FUS: variants seen among roughly 807,000 people sequenced by gnomAD.
The protein encoded by FUS is RNA-binding protein FUS.
In FUS, 5 loss-of-function variants were observed where a neutral mutation model predicts 82.7. The ratio of observed to expected loss-of-function variants is 0.06; its 90% CI spans 0.03 to 0.13. The LOEUF (loss-of-function observed/expected upper bound fraction) is 0.13. FUS is among the 10% of genes least tolerant of loss of function. FUS has a pLI of 1.00. For synonymous variants in FUS, 281 were observed against 247.4 expected (o/e 1.14, Z -1.27); for missense variants, 512 against 707.8 (o/e 0.72, Z 3.14).
chr16:31,188,404 A>T, intron 8 of FUS, 47 bp downstream of exon 8: 1 of 1,592,360 alleles, frequency 6.3e-7, no homozygotes, highest in Non-Finnish European at 8.6e-7. Flanking sequence ...AAGTGGTATC[A>T]AGACTGCCTG....
chr16:31,188,234 T>G, intron 7 of FUS, 91 bp from the exon 8 acceptor site: 1 of 1,379,852 alleles, frequency 7.2e-7, no homozygotes, highest in African/African-American at 1.4e-5. Flanking sequence ...GGTGTTAATT[T>G]TTTTCCTTGT....
At position 31,184,302 on chromosome 16, in the gene FUS, T is replaced by C; in HGVS notation, c.429T>C (p.Tyr143=). 14 of 1,614,104 alleles carry C rather than the reference T, an allele frequency of 8.7e-6. No homozygotes were observed. The highest frequency in any genetic ancestry group is 1.1e-5 in the Non-Finnish European group (13 of 1,180,006). Residue 143 remains tyrosine, a synonymous_variant, in exon 5 of 15, where the codon TAT becomes TAC. Transcript: ENST00000254108. ...GCTATGGTGGACAGCAGCAAAGCTA[T>C]GGACAGCAGCAAAGCTATAATCCCC... ...QPSYGGQQQS[Y]GQQQSYNPPQ... is the part of the protein sequence containing the mutation.
At chr16:31,186,716 T>G in intron 6 of FUS, 86 bp from the exon 7 acceptor site, 1 of 1,313,168 alleles carries the variant, frequency 7.6e-7, no homozygotes, top group Non-Finnish European at 1.1e-6. Flanking sequence ...CCTACCCATG[T>G]TTGGGGAATG....
chr16:31,183,009 T>C, intron 3 of FUS: 1 of 362,996 alleles, frequency 2.8e-6, no homozygotes, highest in Non-Finnish European at 5.3e-6. Context: ...ATGCCCTGAA[T>C]GTTGCTTTTC....
intron 5 of FUS, among the ~76,000 whole-genome samples, chr16:31,184,730 A>G (rs1285748470): frequency 2.0e-5 from 3 of 151,816 alleles, no homozygotes; most frequent in Admixed American, 6.6e-5. Context: ...GGCGTGAGCC[A>G]CTGTGCCTGG....
At chr16:31,184,593 G>A (rs908362166) in intron 5 of FUS, among the ~76,000 whole-genome samples, 197 bp downstream of exon 5, 2 of 151,970 alleles carry the variant, frequency 1.3e-5, no homozygotes, top group African/African-American at 2.4e-5. Context: ...ACAGGCATCC[G>A]CCACCACGCC....
At chr16:31,186,272 G>A in intron 6 of FUS, 1 of 273,972 alleles carries the variant, frequency 3.7e-6, no homozygotes, top group Non-Finnish European at 7.1e-6. Context: ...AAACAGCTCA[G>A]TAGTTAGGAC....
chr16:31,189,908 G>C, intron 10 of FUS, 114 bp downstream of exon 10: 1 of 1,586,970 alleles, frequency 6.3e-7, no homozygotes, highest in South Asian at 1.1e-5. Context: ...CTTTAGCTGC[G>C]GTTTCAGGTA....
rs1223246966 is a variant in FUS, at chr16:31,185,642, T to C, written c.764+463T>C. 1.2e-5 allele frequency: 6 copies of C among 483,382 alleles called. No individual in the cohort carries two copies. The East Asian group carries it at 2.7e-4, about 22-fold the overall frequency. 29.9% of individuals were successfully genotyped at this position (483,382 alleles called of 1,614,324 possible). A position where few individuals can be genotyped will look rare whatever the true frequency, so the allele number is the denominator to read the frequency against. On this transcript the variant is annotated intron_variant, in intron 6 of 14. Coordinates refer to ENST00000254108, the MANE Select transcript of FUS (RefSeq NM_004960.4). ...CAGGAATTGGCTACTCTTCCCGTTT[T>C]CTATAGTCATTTGAATCCACGAGCT...
chr16:31,191,931 A>G (rs1321471703), downstream of FUS: 1 of 534,326 alleles, frequency 1.9e-6, no homozygotes, highest in African/African-American at 1.9e-5. Context: ...GAACTCTTTG[A>G]TCTTTTGGCC....
At position 31,188,816 on chromosome 16, in the gene FUS, C is replaced by G. The variant is rs1596906647; in HGVS notation, c.833-307C>G. The G allele has an allele frequency of 1.0e-5, 5 of 481,824 alleles. No homozygotes were observed. In the East Asian group the frequency reaches 1.1e-4, roughly 11 times the overall value. The allele number at this position is 481,824 out of a possible 1,614,324, so 29.8% of individuals were successfully genotyped here. ...GTTTCTTATTTAATTCGGGGACCTTCAACTGAAAGTTGATAAATACTGATG... is the reference window on the plus strand; with the variant it reads ...GTTTCTTATTTAATTCGGGGACCTTGAACTGAAAGTTGATAAATACTGATG... On this transcript the variant is annotated intron_variant, in intron 8 of 14. Transcript: ENST00000254108.
At chr16:31,193,593 A>G (rs1456753660), downstream of FUS, 3 of 529,648 alleles carry the variant, frequency 5.7e-6, no homozygotes, top group African/African-American at 5.6e-5. Context: ...GTGTCCTTCA[A>G]ATGGCATATG....
intron 9 of FUS, 50 bp downstream of exon 9, chr16:31,189,276 G>A (rs2079316751): frequency 7.7e-7 from 1 of 1,297,794 alleles, no homozygotes; most frequent in Non-Finnish European, 1.1e-6. Context: ...TAGGCTTGTG[G>A]ATTTCACACA....
chr16:31,190,459 A>G, intron 12 of FUS, 61 bp downstream of exon 12: 3 of 1,609,854 alleles, frequency 1.9e-6, no homozygotes, highest in Non-Finnish European at 1.7e-6. Flanking sequence ...ATATATTGGT[A>G]CTGAGGTATG....
In FUS at chr16:31,184,239, T is replaced by C; in HGVS notation, c.366T>C (p.Tyr122=). 6.2e-7 allele frequency: 1 copy of C among 1,614,118 alleles called. No individual in the cohort carries two copies. Among genetic ancestry groups the C allele is most frequent in the African/African-American group, 1.3e-5 (1 of 75,030 alleles). ...GTAGCAGTTCTCAGAGCAGCAGCTATGGGCAGCCCCAGAGTGGGAGCTACA... is the reference window on the plus strand; with the variant it reads ...GTAGCAGTTCTCAGAGCAGCAGCTACGGGCAGCCCCAGAGTGGGAGCTACA... The part of the protein sequence containing the change: ...SYGSSSQSSS[Y]GQPQSGSYSQ... The change falls in exon 5 of 15, where the codon TAT becomes TAC. Residue 122 remains tyrosine, a synonymous_variant. Transcript: ENST00000254108.
chr16:31,192,620 G>GCA (rs2079376654), downstream of FUS: 1 of 487,222 alleles, frequency 2.1e-6, no homozygotes, highest in African/African-American at 2.0e-5. Flanking sequence ...GAGTGCAGTG[G>GCA]CGTGATCTCG....
chr16:31,194,114 C>T (rs528149394), downstream of FUS: 6 of 533,358 alleles, frequency 1.1e-5, no homozygotes, highest in Admixed American at 1.1e-4. Flanking sequence ...TTAGCCCTTT[C>T]AGCTTTTTTC....
chr16:31,189,509 T>G (rs1191232427), intron 9 of FUS, among the ~76,000 whole-genome samples, 156 bp from the exon 10 acceptor site: 1 of 152,230 alleles, frequency 6.6e-6, no homozygotes, highest in African/African-American at 2.4e-5. Context: ...AGAGACAGTT[T>G]TCTTTAATGG....
intron 3 of FUS, chr16:31,183,601 G>A (rs1294575380): frequency 2.0e-6 from 1 of 507,266 alleles, no homozygotes; most frequent in African/African-American, 1.9e-5. Context: ...TTGGGCCTGG[G>A]TTTAGAGGGT....
Sources: allele counts gnomAD v4.1 joint callset (sites outside exome capture counted in the v4.1 genomes callset), GRCh38; gene constraint gnomAD v4.1.1; transcripts MANE v1.5; gene names NCBI Gene and HGNC (gene_info 2026-07-23, HGNC 2026-07-21).